GLIS1: variants seen among roughly 807,000 people sequenced by gnomAD.
GLIS1 encodes zinc finger protein GLIS1.
Under a neutral mutation model 63.8 loss-of-function variants are expected in GLIS1, and 24 were observed. The observed-to-expected ratio is 0.38, with a 90% CI of 0.27 to 0.53. The LOEUF (loss-of-function observed/expected upper bound fraction) is 0.53. GLIS1 is among the 20% of genes least tolerant of loss of function. The pLI is 0.85. For synonymous variants in GLIS1, 450 were observed against 482.5 expected (o/e 0.93, Z 0.88); for missense variants, 1,036 against 1,074.1 (o/e 0.96, Z 0.50).
chr1:53,729,315 T>G (rs1333881922), intron 2 of GLIS1, among the ~76,000 whole-genome samples: 3 of 152,148 alleles, frequency 2.0e-5, no homozygotes, highest in African/African-American at 7.2e-5. Context: ...AAGAAGAGCC[T>G]GCCTCAACGA....
rs376177881 is a variant in GLIS1, at chr1:53,529,887, C to T, written c.1386G>A (p.Thr462=). Residue 462 remains threonine (T), a synonymous_variant, in exon 5 of 11, where the codon ACG becomes ACA. Transcript: ENST00000628545. ...ENLKIHLRSH[T]GEKPYLCQHP... ...GCTGGCACAGGTACGGCTTCTCGCC[C>T]GTGTGGCTCCTCAGGTGGATCTTGA... The T allele has an allele frequency of 2.2e-5, 35 of 1,613,802 alleles. 1 individual carries two copies. The highest frequency in any genetic ancestry group is 1.3e-4 in the Admixed American group (8 of 59,996).
chr1:53,584,591 G>T (rs952480439), intron 4 of GLIS1, among the ~76,000 whole-genome samples: 1 of 152,208 alleles, frequency 6.6e-6, no homozygotes, highest in Non-Finnish European at 1.5e-5. Flanking sequence ...GCACAAGGGG[G>T]TGTCAAGCTG....
intron 2 of GLIS1, among the ~76,000 whole-genome samples, chr1:53,689,691 C>T (rs1348503739): frequency 6.6e-6 from 1 of 152,160 alleles, no homozygotes; most frequent in African/African-American, 2.4e-5. Flanking sequence ...CAAACCGAGC[C>T]CCTCTCTGGG....
At chr1:53,542,503 T>G (rs1213492542) in intron 4 of GLIS1, among the ~76,000 whole-genome samples, 2 of 152,246 alleles carry the variant, frequency 1.3e-5, no homozygotes, top group African/African-American at 4.8e-5. Flanking sequence ...CAAATGAGCC[T>G]TGAGGGAAGT....
chr1:53,724,846 A>C (rs923625961), intron 2 of GLIS1, among the ~76,000 whole-genome samples: 22 of 152,172 alleles, frequency 1.4e-4, no homozygotes, highest in African/African-American at 5.3e-4. Flanking sequence ...ATTCATTTTT[A>C]AAAAGATGAT....
chr1:53,648,375 G>A (rs1384996728), intron 2 of GLIS1, among the ~76,000 whole-genome samples: 1 of 152,136 alleles, frequency 6.6e-6, no homozygotes, highest in Non-Finnish European at 1.5e-5. Flanking sequence ...GTTAGATGGG[G>A]AGCAATGGGA....
In GLIS1 at chr1:53,526,757, G is replaced by A. The variant is rs1331064883; in HGVS notation, c.1483-1870C>T. On this transcript the variant is annotated intron_variant, in intron 5 of 10. Coordinates refer to ENST00000628545, the MANE Select transcript of GLIS1 (RefSeq NM_001367484.1). The surrounding 1 kb of genome is among the most constrained non-coding windows in gnomAD (Gnocchi z 4.4). ...TGGCTCTGTGTCTGCCGGCACATTC[G>A]CCTGGAAACGGGCGGCAAGGCCCAT... 2.0e-5 allele frequency among the ~76,000 whole-genome samples: 3 copies of A among 152,246 alleles called. No homozygotes were observed. The highest frequency in any genetic ancestry group is 6.5e-5 in the Admixed American group (1 of 15,288).
intron 2 of GLIS1, among the ~76,000 whole-genome samples, chr1:53,691,750 G>A (rs561624646): frequency 6.6e-6 from 1 of 152,244 alleles, no homozygotes; most frequent in Admixed American, 6.5e-5. Flanking sequence ...TACTGAATTT[G>A]CAGTTTCTCT....
chr1:53,510,027 C>T lies in GLIS1; in HGVS notation c.1884G>A (p.Gly628=). 2 of 1,265,074 alleles carry T rather than the reference C, an allele frequency of 1.6e-6. No homozygotes were observed. The highest frequency in any genetic ancestry group is 2.0e-6 in the Non-Finnish European group (2 of 997,390). 78.4% of individuals were successfully genotyped at this position (1,265,074 alleles called of 1,614,324 possible). ...PLPMAESTRD[G]LGPGLLSPIV... ...TTGGTGAGAGGAGGCCGGGCCCCAACCTGGAGAGAACAGAGGTGCCCATCA... is the reference window on the plus strand; with the variant it reads ...TTGGTGAGAGGAGGCCGGGCCCCAATCTGGAGAGAACAGAGGTGCCCATCA... The change falls in exon 9 of 11, where the codon GGG becomes GGA. Residue 628 remains glycine, a splice_region_variant and synonymous_variant. Transcript: ENST00000628545.
chr1:53,567,867 G>A (rs780088592), intron 4 of GLIS1, among the ~76,000 whole-genome samples: 19 of 152,378 alleles, frequency 1.2e-4, no homozygotes, highest in Admixed American at 2.0e-4. Flanking sequence ...TTCAAAGGAC[G>A]TATGGAAATG....
At chr1:53,556,062 G>T (rs565850377) in intron 4 of GLIS1, among the ~76,000 whole-genome samples, 1 of 129,148 alleles carries the variant, frequency 7.7e-6, no homozygotes, top group South Asian at 2.6e-4. Flanking sequence ...TGTGTATGCA[G>T]GTATACTGTA....
intron 2 of GLIS1, among the ~76,000 whole-genome samples, chr1:53,694,414 C>T (rs1168135149): frequency 6.6e-6 from 1 of 152,244 alleles, no homozygotes; most frequent in East Asian, 1.9e-4. Flanking sequence ...CCGGCTGGCC[C>T]TGCCAGGGAC....
chr1:53,513,558 C>T (rs1644319667), intron 8 of GLIS1, among the ~76,000 whole-genome samples: 1 of 152,190 alleles, frequency 6.6e-6, no homozygotes, highest in East Asian at 1.9e-4. Context: ...AGGAAGCCTT[C>T]CCTGACACCC....
At chr1:53,715,552 C>T (rs1436708932) in intron 2 of GLIS1, among the ~76,000 whole-genome samples, 1 of 152,156 alleles carries the variant, frequency 6.6e-6, no homozygotes, top group East Asian at 1.9e-4. Context: ...CTGCTGGGTA[C>T]AGAACACAGA....
chr1:53,596,830 G>A (rs1171813533), intron 3 of GLIS1, among the ~76,000 whole-genome samples: 1 of 152,134 alleles, frequency 6.6e-6, no homozygotes, highest in African/African-American at 2.4e-5. Context: ...CAGAGACTCA[G>A]GGGAGAGGCA....
intron 2 of GLIS1, among the ~76,000 whole-genome samples, chr1:53,672,392 C>T (rs1013543529): frequency 6.6e-6 from 1 of 152,166 alleles, no homozygotes; most frequent in Non-Finnish European, 1.5e-5. Context: ...GGAGTTCCTC[C>T]GGGAATACTT....
rs1553120138 is a variant in GLIS1 at position 53,522,990 on chromosome 1, T to TTTTC, written c.1593+1786_1593+1787insGAAA. Among the ~76,000 whole-genome samples, 46 of 130,880 alleles carry TTTTC rather than the reference T, an allele frequency of 3.5e-4. 1 individual carries two copies. The highest frequency in any genetic ancestry group is 1.3e-3 in the African/African-American group (45 of 33,560). 85.9% of individuals were successfully genotyped at this position (130,880 alleles called of 152,430 possible). ...TCTTTTTCTTTTCTTTTCTTTCTTT[T>TTTTC]TTTTTTTTTTTTTTTGAGACAGGGT... On this transcript the variant is annotated intron_variant, in intron 6 of 10. Coordinates refer to ENST00000628545, the MANE Select transcript of GLIS1 (RefSeq NM_001367484.1).
At chr1:53,518,499 A>G (rs1644374816) in intron 7 of GLIS1, among the ~76,000 whole-genome samples, 1 of 152,168 alleles carries the variant, frequency 6.6e-6, no homozygotes, top group Non-Finnish European at 1.5e-5. Flanking sequence ...CTCACCATAA[A>G]CAATAACAGT....
chr1:53,678,670 C>G (rs1019885962), intron 2 of GLIS1, among the ~76,000 whole-genome samples: 1 of 152,156 alleles, frequency 6.6e-6, no homozygotes, highest in East Asian at 1.9e-4. Flanking sequence ...CTGCTGAGTT[C>G]GAGCCCTGAG....
Sources: allele counts gnomAD v4.1 joint callset (sites outside exome capture counted in the v4.1 genomes callset), GRCh38; gene constraint gnomAD v4.1.1; non-coding constraint Gnocchi (gnomAD v3.1); transcripts MANE v1.5; gene names NCBI Gene and HGNC (gene_info 2026-07-23, HGNC 2026-07-21).